SLC35F4: variants seen among roughly 807,000 people sequenced by gnomAD.
The protein encoded by SLC35F4 is solute carrier family 35 member F4.
Under a neutral mutation model 44.2 loss-of-function variants are expected in SLC35F4, and 24 were observed. The ratio of observed to expected loss-of-function variants is 0.54; its 90% CI spans 0.39 to 0.76. The LOEUF is 0.76. SLC35F4 is among the 30% of genes least tolerant of loss of function. SLC35F4 has a pLI of 0.00. For synonymous variants in SLC35F4, 238 were observed against 223.6 expected (o/e 1.06, Z -0.57); for missense variants, 562 against 586.1 (o/e 0.96, Z 0.42).
chr14:57,824,910 G>T (rs1883563465), intron 1 of SLC35F4, among the ~76,000 whole-genome samples: 1 of 152,102 alleles, frequency 6.6e-6, no homozygotes, highest in African/African-American at 2.4e-5. Flanking sequence ...ATATCATCTT[G>T]ATTAATATTA....
chr14:57,939,355 C>A (rs560268102), intron 1 of SLC35F4, among the ~76,000 whole-genome samples: 2 of 152,272 alleles, frequency 1.3e-5, no homozygotes, highest in South Asian at 4.2e-4. Flanking sequence ...GAAGCTAAGT[C>A]AACCAAGGAG....
At chr14:57,612,282 T>C (rs966303078) in intron 1 of SLC35F4, among the ~76,000 whole-genome samples, 2 of 152,064 alleles carry the variant, frequency 1.3e-5, no homozygotes, top group African/African-American at 2.4e-5. Flanking sequence ...GGAGCTGGCA[T>C]TAGTGGGGCA....
chr14:57,982,856 A>G (rs1481755871), upstream of SLC35F4, among the ~76,000 whole-genome samples: 2 of 152,150 alleles, frequency 1.3e-5, no homozygotes, highest in Non-Finnish European at 2.9e-5. Context: ...CCAAAATTAC[A>G]TGGGCCTCAC....
At chr14:57,943,090 A>T (rs933606887) in intron 1 of SLC35F4, among the ~76,000 whole-genome samples, 1 of 152,216 alleles carries the variant, frequency 6.6e-6, no homozygotes, top group Non-Finnish European at 1.5e-5. Context: ...CCCTAGAAAC[A>T]TCAGGAAACC....
At chr14:57,683,173 C>T (rs1467641921) in intron 1 of SLC35F4, among the ~76,000 whole-genome samples, 1 of 152,132 alleles carries the variant, frequency 6.6e-6, no homozygotes, top group East Asian at 1.9e-4. Context: ...AAAACTAGTG[C>T]ATTATTTTAT....
chr14:57,958,099 AGGCTGC>A (rs1890273491), intron 1 of SLC35F4, among the ~76,000 whole-genome samples: 1 of 151,502 alleles, frequency 6.6e-6, no homozygotes, highest in Non-Finnish European at 1.5e-5. Context: ...TCTGTCGCCC[AGGCTGC>A]AGTGCAGTGG....
chr14:57,764,972 T>G (rs1366280642), intron 1 of SLC35F4, among the ~76,000 whole-genome samples: 1 of 152,196 alleles, frequency 6.6e-6, no homozygotes, highest in Non-Finnish European at 1.5e-5. Flanking sequence ...CTGTTTTAAA[T>G]TATTATAAAA....
At chr14:57,895,439 A>G (rs1888850308) in intron 1 of SLC35F4, among the ~76,000 whole-genome samples, 5 of 152,022 alleles carry the variant, frequency 3.3e-5, no homozygotes, top group Admixed American at 3.3e-4. Context: ...TCTCATGCTA[A>G]ATTGAAGGAG....
chr14:57,645,966 A>T lies in SLC35F4; in HGVS notation c.104-51842T>A, dbSNP rs960108369. 2.0e-5 allele frequency among the ~76,000 whole-genome samples: 3 copies of T among 152,292 alleles called. 1 individual carries two copies. ...GTTGAACCAGCCTTGCATCCCAGGG[A>T]TGAAGCCCACTTGATCATGGTGGAT... On this transcript the variant is annotated intron_variant, in intron 1 of 7. Transcript: ENST00000556826.
At chr14:57,875,975 A>G (rs962947579) in intron 1 of SLC35F4, among the ~76,000 whole-genome samples, 1 of 152,232 alleles carries the variant, frequency 6.6e-6, no homozygotes, top group African/African-American at 2.4e-5. Flanking sequence ...CAATCTTCCA[A>G]CCATGGGTTA....
intron 1 of SLC35F4, among the ~76,000 whole-genome samples, chr14:57,935,495 T>C (rs62005047): frequency 1.5e-3 from 223 of 152,316 alleles, no homozygotes; most frequent in South Asian, 5.4e-3. Flanking sequence ...AGTGGGTTCT[T>C]GTTCAGGATT....
intron 1 of SLC35F4, among the ~76,000 whole-genome samples, chr14:57,937,600 GAAAAGAAAA>G (rs78642539): frequency 0.11 from 7,843 of 69,996 alleles, 335 homozygotes; most frequent in East Asian, 0.28. Context: ...GAAAAGAAAA[GAAAAGAAAA>G]GAAAAGAAAA....
chr14:57,675,650 T>G (rs62004037), intron 1 of SLC35F4, among the ~76,000 whole-genome samples: 9,276 of 152,166 alleles, frequency 0.061, 426 homozygotes, highest in South Asian at 0.096. Context: ...GGCTGTGGGT[T>G]TGTCATATAT....
At chr14:57,819,869 G>T (rs963780135) in intron 1 of SLC35F4, among the ~76,000 whole-genome samples, 3 of 151,656 alleles carry the variant, frequency 2.0e-5, no homozygotes, top group Non-Finnish European at 2.9e-5. Flanking sequence ...AAATACCAAG[G>T]CTTCTTATAA....
chr14:57,952,497 A>G (rs1890159397), intron 1 of SLC35F4, among the ~76,000 whole-genome samples: 2 of 152,056 alleles, frequency 1.3e-5, no homozygotes, highest in South Asian at 4.2e-4. Context: ...CTCTGAGCTA[A>G]AGGAGCATGT....
chr14:57,884,586 T>C (rs1229348647), intron 1 of SLC35F4, among the ~76,000 whole-genome samples: 3 of 152,168 alleles, frequency 2.0e-5, no homozygotes, highest in African/African-American at 4.8e-5. Context: ...TCTAATGTAT[T>C]ACACACCTCA....
At chr14:57,966,216 T>C (rs11158186) in intron 1 of SLC35F4, among the ~76,000 whole-genome samples, 24,042 of 152,178 alleles carry the variant, frequency 0.16, 2,228 homozygotes, top group African/African-American at 0.27. Flanking sequence ...ATTTGCCTAA[T>C]CAATGTTCTA....
chr14:57,941,859 C>T (rs1889922067), intron 1 of SLC35F4, among the ~76,000 whole-genome samples: 1 of 152,078 alleles, frequency 6.6e-6, no homozygotes, highest in African/African-American at 2.4e-5. Context: ...TAACAAATAC[C>T]TGTAGAATGA....
intron 1 of SLC35F4, among the ~76,000 whole-genome samples, chr14:57,776,665 C>CAAAAAAAAAAAAAAAA (rs57272978): frequency 9.7e-5 from 7 of 72,068 alleles, no homozygotes; most frequent in East Asian, 5.5e-4. Context: ...GACTCCATCT[C>CAAAAAAAAAAAAAAAA]AAAAAAAAAA....
Sources: gnomAD v4.1 joint callset for allele counts (sites outside exome capture counted in the v4.1 genomes callset) on GRCh38, gnomAD v4.1.1 for gene constraint, MANE v1.5 for transcripts, NCBI Gene and HGNC (gene_info 2026-07-23, HGNC 2026-07-21) for gene names.